Variants in EARS2 observed in about 807,000 individuals in gnomAD.
The protein encoded by EARS2 is nondiscriminating glutamyl-tRNA synthetase EARS2, mitochondrial.
Under a neutral mutation model 54.1 loss-of-function variants are expected in EARS2, and 50 were observed. The observed-to-expected ratio is 0.92, with a 90% confidence interval of 0.74 to 1.17. EARS2 has a LOEUF of 1.17. Among genes scored for constraint, EARS2 ranks in the 50% most tolerant of loss-of-function variants. EARS2 has a pLI of 0.00. For missense variants in EARS2, 673 were observed against 675.0 expected, an observed-to-expected ratio of 1.00 and a Z score of 0.03; for synonymous variants, 298 against 281.0, an observed-to-expected ratio of 1.06 and a Z score of -0.61.
chr16:23,550,080 C>A (rs933262202), intron 2 of EARS2, among the ~76,000 whole-genome samples: 2 of 152,088 alleles, frequency 1.3e-5, no homozygotes, highest in Non-Finnish European at 2.9e-5. Context: ...GAATTAGGAG[C>A]CAGGAGCGAT....
chr16:23,533,839 T>C (rs1331796557), intron 4 of EARS2, among the ~76,000 whole-genome samples: 1 of 152,154 alleles, frequency 6.6e-6, no homozygotes, highest in Non-Finnish European at 1.5e-5. Context: ...GTGGATCACC[T>C]GAGGTCAGGA....
At chr16:23,554,704 G>C (rs976707543) in intron 1 of EARS2, among the ~76,000 whole-genome samples, 5 of 152,142 alleles carry the variant, frequency 3.3e-5, no homozygotes, top group Admixed American at 2.6e-4. Flanking sequence ...AGACAAAAGA[G>C]GAACCCAGCT....
At chr16:23,548,557 G>C (rs1381053158) in intron 2 of EARS2, among the ~76,000 whole-genome samples, 1 of 152,108 alleles carries the variant, frequency 6.6e-6, no homozygotes, top group African/African-American at 2.4e-5. Context: ...ATCTTGGTCT[G>C]TGAGGCACCA....
rs903439779 is a variant in EARS2, at chr16:23,523,800, G to A, written c.*571C>T. 2.7e-5 allele frequency: 4 copies of A among 146,568 alleles called. No individual in the cohort carries two copies. The highest frequency in any genetic ancestry group is 6.0e-5 in the Non-Finnish European group (4 of 67,172). 9.1% of individuals were successfully genotyped at this position (146,568 alleles called of 1,614,324 possible). The stretch of plus-strand genomic sequence containing the variant: ...AAAGTTAAAATCCAGTCCAACTGGT[G>A]TTCTTAGAAGAGGAACGTTGGGCAC... On this transcript the variant is annotated 3_prime_UTR_variant, in exon 9 of 9. Coordinates refer to ENST00000449606, the MANE Select transcript of EARS2 (RefSeq NM_001083614.2).
At chr16:23,549,924 G>C (rs1965665440) in intron 2 of EARS2, among the ~76,000 whole-genome samples, 1 of 152,104 alleles carries the variant, frequency 6.6e-6, no homozygotes, top group Non-Finnish European at 1.5e-5. Flanking sequence ...CACGGGGCTG[G>C]CTCCTCACTT....
intron 3 of EARS2, among the ~76,000 whole-genome samples, chr16:23,539,270 T>C (rs1486230928): frequency 6.6e-6 from 1 of 152,214 alleles, no homozygotes; most frequent in Non-Finnish European, 1.5e-5. Flanking sequence ...TCTTTTAGTT[T>C]CAACTAAGCT....
At position 23,529,816 on chromosome 16, in the gene EARS2, G is replaced by A; in HGVS notation, c.1149C>T (p.Ala383=). 1 of 1,614,126 alleles carries A rather than the reference G, an allele frequency of 6.2e-7. No individual in the cohort carries two copies. Among genetic ancestry groups the A allele is most frequent in the Non-Finnish European group, 8.5e-7 (1 of 1,180,010 alleles). Reference sequence around the variant, plus strand: ...CCCTGTTTTGCAGCTGGCAACCAAAGGCCTCCTCCACAAGGACCTGCAGCT... The same window carrying A: ...CCCTGTTTTGCAGCTGGCAACCAAAAGCCTCCTCCACAAGGACCTGCAGCT... The part of the protein sequence containing the change: ...VGKLQVLVEE[A]FGCQLQNRDV... Residue 383 remains alanine (A), a synonymous_variant, in exon 6 of 9, where the codon GCC becomes GCT. Coordinates refer to ENST00000449606, the MANE Select transcript of EARS2 (RefSeq NM_001083614.2).
chr16:23,537,794 CTT>C (rs562913476), intron 3 of EARS2, among the ~76,000 whole-genome samples: 45 of 137,330 alleles, frequency 3.3e-4, no homozygotes, highest in Admixed American at 3.7e-4. Context: ...CTTTTTCTTT[CTT>C]TTTTTTTTTT....
chr16:23,557,313 G>T lies in EARS2; in HGVS notation c.31C>A (p.Arg11Ser), dbSNP rs370900642. 1.4e-5 allele frequency: 22 copies of T among 1,524,406 alleles called. No individual in the cohort carries two copies. In the African/African-American group the frequency reaches 2.9e-4, roughly 20 times the overall value. 94.4% of individuals were successfully genotyped at this position (1,524,406 alleles called of 1,614,324 possible). Residue 11 changes from arginine (R) to serine (S), a missense_variant, in exon 1 of 9, where the codon CGC becomes AGC. Coordinates refer to ENST00000449606, the MANE Select transcript of EARS2 (RefSeq NM_001083614.2). MAALLRRLLQ[R>S]ERPSAASGRP... ...CCAGAGGCCGCCGAAGGCCTCTCGC[G>T]CTGCAGCAGTCTCCTCAGGAGCGCC...
Position 23,532,678 on chromosome 16 carries a change from T to A in EARS2, c.1046A>T (p.Glu349Val), listed in dbSNP as rs182663883. 32 of 1,613,992 alleles carry A rather than the reference T, an allele frequency of 2.0e-5. No individual in the cohort carries two copies. In the Admixed American group the frequency reaches 3.8e-4, roughly 19 times the overall value. Residue 349 changes from glutamate (E) to valine (V), a missense_variant, in exon 5 of 9, where the codon GAG (glutamate) becomes GTG (valine). Glu to Val is a moderately radical substitution (Grantham distance 121). Transcript: ENST00000449606. ...VTCHSALLDL[E>V]KLPEFNRLHL... ...TCACCTGTTGAATTCTGGGAGCTTC[T>A]CCAGGTCCAGCAGGGCTGAGTGACA...
At chr16:23,551,742 AC>A (rs755047379) in intron 2 of EARS2, among the ~76,000 whole-genome samples, 6 of 151,438 alleles carry the variant, frequency 4.0e-5, no homozygotes, top group Non-Finnish European at 8.8e-5. Context: ...ACACAGTGAA[AC>A]CCCGTCTCTA....
At chr16:23,531,978 A>T (rs954248455) in intron 5 of EARS2, among the ~76,000 whole-genome samples, 3 of 151,930 alleles carry the variant, frequency 2.0e-5, no homozygotes, top group African/African-American at 7.3e-5. Flanking sequence ...ATGTCCAGCT[A>T]ATTTTTGTAT....
At position 23,522,509 on chromosome 16, in the gene EARS2, T is replaced by C. The variant is rs1014551761; in HGVS notation, c.*1862A>G. On this transcript the variant is annotated 3_prime_UTR_variant, in exon 9 of 9. Transcript: ENST00000449606. The stretch of plus-strand genomic sequence containing the variant: ...TTTGGTAGATGCTGTGGCTCTCTTA[T>C]GGCCTCCAATAAACATAAGTGAGGC... 6 of 152,270 alleles carry C rather than the reference T, an allele frequency of 3.9e-5. No homozygotes were observed. Among genetic ancestry groups the C allele is most frequent in the African/African-American group, 1.4e-4 (6 of 41,444 alleles). The allele number at this position is 152,270 out of a possible 1,614,324, so 9.4% of individuals were successfully genotyped here. A position where few individuals can be genotyped will look rare whatever the true frequency, so the allele number is the denominator to read the frequency against.
chr16:23,541,074 G>C (rs1443401232), intron 3 of EARS2, among the ~76,000 whole-genome samples: 2 of 152,060 alleles, frequency 1.3e-5, no homozygotes, highest in Non-Finnish European at 2.9e-5. Context: ...CAGCACTTTG[G>C]GAGGCCACTT....
At chr16:23,553,037 G>A in intron 1 of EARS2, 1 of 394,404 alleles carries the variant, frequency 2.5e-6, no homozygotes, top group Non-Finnish European at 5.1e-6. Context: ...TGAGGTGGGA[G>A]GATCACCTGA....
intron 3 of EARS2, among the ~76,000 whole-genome samples, chr16:23,538,190 G>C (rs1965455840): frequency 6.6e-6 from 1 of 151,762 alleles, no homozygotes; most frequent in Non-Finnish European, 1.5e-5. Context: ...TTTTTGTTTT[G>C]AGATGGAGTC....
At chr16:23,541,134 G>A (rs548801197) in intron 3 of EARS2, among the ~76,000 whole-genome samples, 1 of 152,290 alleles carries the variant, frequency 6.6e-6, no homozygotes, top group African/African-American at 2.4e-5. Flanking sequence ...AGACCAGCCT[G>A]ACCAACATGG....
intron 2 of EARS2, chr16:23,550,932 C>T (rs1965685106): frequency 6.6e-6 from 1 of 152,122 alleles, no homozygotes; most frequent in Non-Finnish European, 1.5e-5. Context: ...ACTGTCGACC[C>T]ATGAAAAGGA....
In EARS2 at chr16:23,532,738, T is replaced by C. The variant is rs1335983316; in HGVS notation, c.986A>G (p.Glu329Gly). 1 of 1,613,896 alleles carries C rather than the reference T, an allele frequency of 6.2e-7. No homozygotes were observed. The highest frequency in any genetic ancestry group is 1.3e-5 in the African/African-American group (1 of 75,032). The change falls in exon 5 of 9, where the codon GAG (glutamate) becomes GGG (glycine). Residue 329 changes from glutamate (E) to glycine (G), a missense_variant. Physicochemically the swap from Glu to Gly is moderately conservative, Grantham distance 98 (BLOSUM62 -2). This residue lies in a region of EARS2 where 338 missense variants were observed against 361.2 expected (regional missense o/e 0.94). Coordinates refer to ENST00000449606, the MANE Select transcript of EARS2 (RefSeq NM_001083614.2). ...TGTCAGGTTGAACTGTGTGATCAGC[T>C]CCGGCAGGGTCCTGCCCATTTGGTT... ...AENQMGRTLPELITQFNLTQV... is the reference protein window; with the variant it reads ...AENQMGRTLPGLITQFNLTQV...
Sources: allele counts gnomAD v4.1 joint callset (sites outside exome capture counted in the v4.1 genomes callset), GRCh38; gene constraint gnomAD v4.1.1; regional missense constraint gnomAD v4.1.1; transcripts MANE v1.5; gene names NCBI Gene and HGNC (gene_info 2026-07-23, HGNC 2026-07-21).